Variants in CALN1 observed in about 807,000 individuals in gnomAD.
The protein encoded by CALN1 is calcium-binding protein 8.
A neutral mutation model predicts 30.6 loss-of-function variants in CALN1; 17 were observed. The observed-to-expected ratio is 0.56, with a 90% CI of 0.38 to 0.83. The LOEUF is 0.83. Ranked by LOEUF, CALN1 falls within the 40% of genes least tolerant of loss-of-function variation. CALN1 has a pLI of 0.00. For synonymous variants in CALN1, 156 were observed against 131.4 expected (o/e 1.19, Z -1.28); for missense variants, 291 against 354.9 (o/e 0.82, Z 1.45).
chr7:72,501,944 T>TAA, the CALN1 span, among the ~76,000 whole-genome samples: 1 of 79,618 alleles, frequency 1.3e-5, no homozygotes. Context: ...TATATATATA[T>TAA]ATATACACAC....
intron 2 of CALN1, among the ~76,000 whole-genome samples, chr7:72,304,497 T>A (rs953077093): frequency 2.0e-5 from 3 of 151,946 alleles, no homozygotes; most frequent in African/African-American, 7.3e-5. Flanking sequence ...AAAATGAATT[T>A]TAAAAAAAAT....
chr7:72,035,961 A>G (rs1801771619), intron 4 of CALN1, among the ~76,000 whole-genome samples: 1 of 152,190 alleles, frequency 6.6e-6, no homozygotes, highest in Admixed American at 6.5e-5. Context: ...TATGGCTTCA[A>G]GTTACTGTCT....
At chr7:72,106,060 AT>A in intron 4 of CALN1, 90 bp downstream of exon 4, 1 of 1,473,932 alleles carries the variant, frequency 6.8e-7, no homozygotes, top group Non-Finnish European at 9.1e-7. Flanking sequence ...AAGTCTCTGG[AT>A]TTAAAAGTGC....
intron 2 of CALN1, among the ~76,000 whole-genome samples, chr7:72,397,712 TCTCACA>T (rs763714927): frequency 9.1e-4 from 64 of 70,290 alleles, no homozygotes; most frequent in African/African-American, 2.7e-3. Flanking sequence ...ACCCATTCTC[TCTCACA>T]CACACACACA....
At chr7:72,386,958 G>T (rs1195996596) in intron 2 of CALN1, among the ~76,000 whole-genome samples, 2 of 151,618 alleles carry the variant, frequency 1.3e-5, no homozygotes, top group East Asian at 3.9e-4. Flanking sequence ...TATTCCGTCA[G>T]CTGAGGGGAC....
chr7:72,082,625 A>G (rs1584905497), intron 4 of CALN1, among the ~76,000 whole-genome samples: 1 of 152,174 alleles, frequency 6.6e-6, no homozygotes, highest in African/African-American at 2.4e-5. Context: ...ATAAAGCATA[A>G]AGACATCTGC....
At chr7:72,256,545 T>A (rs1795926519) in intron 3 of CALN1, among the ~76,000 whole-genome samples, 3 of 152,146 alleles carry the variant, frequency 2.0e-5, no homozygotes, top group Admixed American at 2.0e-4. Context: ...AGATAAGACT[T>A]GGTTTTTCCC....
At chr7:72,241,888 T>C (rs997935105) in intron 3 of CALN1, among the ~76,000 whole-genome samples, 1 of 152,166 alleles carries the variant, frequency 6.6e-6, no homozygotes, top group Non-Finnish European at 1.5e-5. Context: ...CTCTCTCTTT[T>C]TAGTCATTTA....
chr7:71,832,818 C>G (rs1454891338), intron 5 of CALN1, among the ~76,000 whole-genome samples: 1 of 150,564 alleles, frequency 6.6e-6, no homozygotes. Flanking sequence ...CTTGGCCGGG[C>G]TGGTCTCGAA....
chr7:72,478,191 G>A, the CALN1 span, among the ~76,000 whole-genome samples: 60 of 150,884 alleles, frequency 4.0e-4, no homozygotes, highest in Non-Finnish European at 7.5e-4. Flanking sequence ...AGTAAGCAAC[G>A]TAGCAAGACC....
At chr7:71,932,975 C>G (rs1265285434) in intron 5 of CALN1, among the ~76,000 whole-genome samples, 1 of 152,034 alleles carries the variant, frequency 6.6e-6, no homozygotes, top group Admixed American at 6.6e-5. Flanking sequence ...ACTACTTAGG[C>G]AGATAGTGAG....
chr7:72,063,885 T>C (rs909987885), intron 4 of CALN1, among the ~76,000 whole-genome samples: 4 of 151,958 alleles, frequency 2.6e-5, no homozygotes, highest in Non-Finnish European at 5.9e-5. Flanking sequence ...ATCCAAACAC[T>C]TCTGGTCCCA....
At chr7:72,399,073 C>T (rs1253168931) in intron 2 of CALN1, among the ~76,000 whole-genome samples, 1 of 152,034 alleles carries the variant, frequency 6.6e-6, no homozygotes, top group Admixed American at 6.6e-5. Context: ...AAGGAGGTCA[C>T]CATCTACAGG....
At chr7:72,074,328 T>C (rs1804593301) in intron 4 of CALN1, among the ~76,000 whole-genome samples, 1 of 152,186 alleles carries the variant, frequency 6.6e-6, no homozygotes, top group African/African-American at 2.4e-5. Context: ...CACAGTGCCC[T>C]AGTCATAGCG....
At chr7:72,121,421 T>C (rs1204506108) in intron 3 of CALN1, among the ~76,000 whole-genome samples, 1 of 146,582 alleles carries the variant, frequency 6.8e-6, no homozygotes, top group Non-Finnish European at 1.5e-5. Flanking sequence ...CTATGTATAA[T>C]ATAGATATCA....
intron 5 of CALN1, among the ~76,000 whole-genome samples, chr7:72,005,700 C>T (rs1040659528): frequency 6.6e-6 from 1 of 151,918 alleles, no homozygotes; most frequent in Non-Finnish European, 1.5e-5. Flanking sequence ...AAAACGCCCA[C>T]TCCAAAATTA....
At chr7:72,074,651 G>A (rs900904144) in intron 4 of CALN1, among the ~76,000 whole-genome samples, 1 of 151,988 alleles carries the variant, frequency 6.6e-6, no homozygotes, top group Non-Finnish European at 1.5e-5. Context: ...CAGATGATCC[G>A]CCCACCTTGG....
At chr7:72,448,802 T>TA (rs1335086803), upstream of CALN1, among the ~76,000 whole-genome samples, 9 of 152,258 alleles carry the variant, frequency 5.9e-5, no homozygotes, top group South Asian at 1.2e-3. Context: ...AGACAGGGTT[T>TA]CACCATGTTG....
chr7:72,365,080 G>C (rs1803802483), intron 2 of CALN1, among the ~76,000 whole-genome samples: 2 of 152,096 alleles, frequency 1.3e-5, no homozygotes, highest in Admixed American at 1.3e-4. Flanking sequence ...CAAGGCAGGT[G>C]GATCACCTGA....
Sources: gnomAD v4.1 joint callset for allele counts (sites outside exome capture counted in the v4.1 genomes callset) on GRCh38, gnomAD v4.1.1 for gene constraint, MANE v1.5 for transcripts, NCBI Gene and HGNC (gene_info 2026-07-23, HGNC 2026-07-21) for gene names.